Variants in SYNE1 observed in about 807,000 individuals in gnomAD.
SYNE1 encodes the protein spectrin repeat containing nuclear envelope protein 1.
Under a neutral mutation model 1,111.0 loss-of-function variants are expected in SYNE1, and 616 were observed. The observed-to-expected ratio is 0.55, with a 90% confidence interval of 0.52 to 0.59. The LOEUF (loss-of-function observed/expected upper bound fraction) is 0.59. Ranked by LOEUF, SYNE1 falls within the 20% of genes least tolerant of loss-of-function variation. The pLI, the probability that SYNE1 is intolerant of heterozygous loss-of-function variation, is 0.00. For missense variants in SYNE1, 10,006 were observed against 10,417.0 expected, an observed-to-expected ratio of 0.96 and a Z score of 1.72; for synonymous variants, 3,855 against 3,825.8, an observed-to-expected ratio of 1.01 and a Z score of -0.28.
chr6:152,445,861 T>G (rs2098582406), intron 29 of SYNE1, among the ~76,000 whole-genome samples: 1 of 152,158 alleles, frequency 6.6e-6, no homozygotes, highest in Admixed American at 6.5e-5. Flanking sequence ...AAATGTGTTT[T>G]TCTCCTTTCC....
At chr6:152,137,049 G>A (rs1482344305) in intron 140 of SYNE1, among the ~76,000 whole-genome samples, 1 of 151,902 alleles carries the variant, frequency 6.6e-6, no homozygotes, top group Non-Finnish European at 1.5e-5. Flanking sequence ...GGTGTAGAGT[G>A]AAAACGTCAG....
chr6:152,344,245 T>C lies in SYNE1; in HGVS notation c.12079-18A>G. On this transcript the variant is annotated intron_variant, in intron 73 of 145. Transcript: ENST00000367255. ...TGGTACATCTGAGACAATACAATCA[T>C]GCTGAGATTATGAGAACTGCTTTCT... 6.2e-7 allele frequency: 1 copy of C among 1,614,094 alleles called. No individual in the cohort carries two copies. The highest frequency in any genetic ancestry group is 1.7e-4 in the Middle Eastern group (1 of 6,058).
At chr6:152,214,392 TG>T (rs2078169344) in intron 122 of SYNE1, among the ~76,000 whole-genome samples, 1 of 152,194 alleles carries the variant, frequency 6.6e-6, no homozygotes, top group African/African-American at 2.4e-5. Context: ...GTTCAAATTT[TG>T]TCAGTGTTAT....
chr6:152,234,027 G>A (rs765900396), intron 111 of SYNE1, 64 bp from the exon 112 acceptor site: 36 of 1,539,274 alleles, frequency 2.3e-5, no homozygotes, highest in African/African-American at 8.2e-5. Context: ...AAAGGAAAGC[G>A]ACCAATTTAG....
chr6:152,216,869 C>T (rs2078826581), intron 121 of SYNE1, among the ~76,000 whole-genome samples: 2 of 151,936 alleles, frequency 1.3e-5, no homozygotes, highest in Admixed American at 6.6e-5. Flanking sequence ...GCCTGGCCAA[C>T]ATAGTGAACC....
At chr6:152,479,442 TAGTC>T (rs2098865916) in intron 14 of SYNE1, among the ~76,000 whole-genome samples, 1 of 152,120 alleles carries the variant, frequency 6.6e-6, no homozygotes, top group African/African-American at 2.4e-5. Flanking sequence ...AATAATAAAT[TAGTC>T]AGTATAATCA....
In SYNE1 at chr6:152,176,290, G is replaced by A; in HGVS notation, c.23627+104C>T. ...GTTTTGAAAATGGTGAGATAACCCAGGAAGAGAGACTGATTTATTGGATTA... is the reference window on the plus strand; with the variant it reads ...GTTTTGAAAATGGTGAGATAACCCAAGAAGAGAGACTGATTTATTGGATTA... On this transcript the variant is annotated intron_variant, in intron 130 of 145. Coordinates refer to ENST00000367255, the MANE Select transcript of SYNE1 (RefSeq NM_182961.4). 4 of 1,509,980 alleles carry A rather than the reference G, an allele frequency of 2.6e-6. No individual in the cohort carries two copies. In the South Asian group the frequency reaches 4.5e-5, roughly 17 times the overall value. The allele number at this position is 1,509,980 out of a possible 1,614,324, so 93.5% of individuals were successfully genotyped here.
chr6:152,555,705 T>C (rs1157287398), intron 3 of SYNE1, among the ~76,000 whole-genome samples: 2 of 152,230 alleles, frequency 1.3e-5, no homozygotes, highest in Admixed American at 1.3e-4. Flanking sequence ...AATGAATTCA[T>C]GTAATTTGAT....
At chr6:152,625,397 C>T (rs2099683737) in intron 3 of SYNE1, among the ~76,000 whole-genome samples, 1 of 152,232 alleles carries the variant, frequency 6.6e-6, no homozygotes, top group Admixed American at 6.5e-5. Flanking sequence ...TTTGTGAAGT[C>T]ACACTCGCCA....
rs149030452 is a variant in SYNE1, at chr6:152,396,898, G to C, written c.7433C>G (p.Ser2478Cys). The change falls in exon 50 of 146, where the codon TCT (serine) becomes TGT (cysteine). Residue 2478 changes from serine (S) to cysteine (C), a missense_variant. Physicochemically the swap from Ser to Cys is moderately radical, Grantham distance 112. This residue lies in a region of SYNE1 where 4,955 missense variants were observed against 5,017.2 expected (regional missense o/e 0.99). Coordinates refer to ENST00000367255, the MANE Select transcript of SYNE1 (RefSeq NM_182961.4). ...QEGQTLYAHL[S>C]KQIVSSIQEQ... ...TTGAATGCTACTGACAATTTGTTTAGACAAATGTGCATACAAAGTTTGTCC... is the reference window on the plus strand; with the variant it reads ...TTGAATGCTACTGACAATTTGTTTACACAAATGTGCATACAAAGTTTGTCC... 455 of 1,614,104 alleles carry C rather than the reference G, an allele frequency of 2.8e-4. 1 individual carries two copies. In the African/African-American group the frequency reaches 5.1e-3, roughly 18 times the overall value.
rs1489298059 is a variant in SYNE1 at position 152,376,992 on chromosome 6, C to T, written c.9010-80G>A. The stretch of plus-strand genomic sequence containing the variant: ...ATCTTCACACTATACATGCATCAAT[C>T]ATATTATAAATTATTAGTGAGAGAA... On this transcript the variant is annotated intron_variant, in intron 56 of 145. Transcript: ENST00000367255. 2.1e-5 allele frequency: 32 copies of T among 1,533,430 alleles called. No homozygotes were observed. The Admixed American group carries it at 5.4e-4, about 26-fold the overall frequency. 95.0% of individuals were successfully genotyped at this position (1,533,430 alleles called of 1,614,324 possible). A position where few individuals can be genotyped will look rare whatever the true frequency, so the allele number is the denominator to read the frequency against.
At chr6:152,409,391 G>A (rs1436779694) in intron 43 of SYNE1, 165 bp from the exon 44 acceptor site, 1 of 1,111,614 alleles carries the variant, frequency 9.0e-7, no homozygotes, top group African/African-American at 1.6e-5. Flanking sequence ...TTCTTGAATT[G>A]CTAGAATCCT....
At chr6:152,423,502 C>T (rs1259054877) in intron 39 of SYNE1, among the ~76,000 whole-genome samples, 1 of 152,230 alleles carries the variant, frequency 6.6e-6, no homozygotes, top group Non-Finnish European at 1.5e-5. Flanking sequence ...GCACTGCTCT[C>T]ATCCTGGTCT....
At chr6:152,633,491 G>A (rs1490490601) in intron 2 of SYNE1, among the ~76,000 whole-genome samples, 1 of 152,212 alleles carries the variant, frequency 6.6e-6, no homozygotes, top group African/African-American at 2.4e-5. Flanking sequence ...AGGAGGGCAA[G>A]TATTGTAATG....
chr6:152,332,158 G>C (rs564729767), intron 77 of SYNE1, among the ~76,000 whole-genome samples: 2 of 152,218 alleles, frequency 1.3e-5, no homozygotes, highest in East Asian at 3.9e-4. Context: ...ATTTTTAGTA[G>C]AGACAGGGTT....
chr6:152,619,651 G>T (rs2099671021), intron 3 of SYNE1, among the ~76,000 whole-genome samples: 1 of 152,158 alleles, frequency 6.6e-6, no homozygotes. Context: ...CAAAGATCTA[G>T]AGAAATAATG....
rs745910980 is a variant in SYNE1 at position 152,401,311 on chromosome 6, C to T, written c.6856G>A (p.Glu2286Lys). ...ACTTCAGTTATTTCTTTGGCATGCT[C>T]CAGTTTCTGCATTAAGTCTGCTTCT... ...FIEADLMQKL[E>K]HAKEITEVAK... is the part of the protein sequence containing the mutation. Residue 2286 changes from glutamate to lysine, a missense_variant, in exon 47 of 146, where the codon GAG (glutamate) becomes AAG (lysine). Coordinates refer to ENST00000367255, the MANE Select transcript of SYNE1 (RefSeq NM_182961.4). 1 of 1,613,882 alleles carries T rather than the reference C, an allele frequency of 6.2e-7. No individual in the cohort carries two copies. The highest frequency in any genetic ancestry group is 1.1e-5 in the South Asian group (1 of 91,074).
Position 152,233,932 on chromosome 6 carries a change from G to A in SYNE1, c.20561C>T (p.Ser6854Phe). The A allele has an allele frequency of 6.2e-7, 1 of 1,614,182 alleles. No individual in the cohort carries two copies. The highest frequency in any genetic ancestry group is 8.5e-7 in the Non-Finnish European group (1 of 1,180,032). Residue 6854 changes from serine to phenylalanine, a missense_variant, in exon 112 of 146, where the codon TCC becomes TTC. Ser to Phe is a radical substitution (Grantham distance 155). Around this residue, in one of 7 missense-constraint regions of SYNE1, gnomAD observed 2,182 missense variants for 2,287.8 expected, o/e 0.95. Transcript: ENST00000367255. ...EFSKEVDAQSSLKSSVLSTGN... is the reference protein window; with the variant it reads ...EFSKEVDAQSFLKSSVLSTGN... The stretch of plus-strand genomic sequence containing the variant: ...AGTACTCAGAACAGATGATTTCAGG[G>A]AAGATTGGGCATCCACTTCTTTAGA...
chr6:152,225,783 A>C lies in SYNE1; in HGVS notation c.21289T>G (p.Ser7097Ala). The C allele has an allele frequency of 6.2e-7, 1 of 1,614,140 alleles. No individual in the cohort carries two copies. Among genetic ancestry groups the C allele is most frequent in the East Asian group, 2.2e-5 (1 of 44,868 alleles). ...ALIQNKKEDV[S>A]SIVMSTLREL... The stretch of plus-strand genomic sequence containing the variant: ...CGCAGTGTGCTCATGACAATGCTAG[A>C]GACGTCTTCTTTCTTGTTCTGAATC... Residue 7097 changes from serine to alanine, a missense_variant, in exon 116 of 146, where the codon TCT (serine) becomes GCT (alanine). This residue lies in a region of SYNE1 where 2,182 missense variants were observed against 2,287.8 expected (regional missense o/e 0.95). Transcript: ENST00000367255.
Sources: gnomAD v4.1 joint callset for allele counts (sites outside exome capture counted in the v4.1 genomes callset) on GRCh38, gnomAD v4.1.1 for gene constraint, gnomAD v4.1.1 regional missense constraint, MANE v1.5 for transcripts, NCBI Gene and HGNC (gene_info 2026-07-23, HGNC 2026-07-21) for gene names.